Variants in EEF2K observed in about 807,000 individuals in gnomAD.
EEF2K encodes alternative protein EEF2K.
A neutral mutation model predicts 93.8 loss-of-function variants in EEF2K; 70 were observed. The observed-to-expected ratio is 0.75, with a 90% CI of 0.62 to 0.91. The LOEUF is 0.91. Among genes scored for constraint, EEF2K ranks in the 40% least tolerant of loss-of-function variants. EEF2K has a pLI of 0.00. For synonymous variants in EEF2K, 376 were observed against 380.8 expected, an observed-to-expected ratio of 0.99 and a Z score of 0.15; for missense variants, 935 against 972.9, an observed-to-expected ratio of 0.96 and a Z score of 0.52.
intron 16 of EEF2K, among the ~76,000 whole-genome samples, chr16:22,275,300 TTTCTC>T (rs2047623555): frequency 6.6e-6 from 1 of 151,608 alleles, no homozygotes; most frequent in African/African-American, 2.4e-5. Context: ...TTGGTATACT[TTTCTC>T]TTTATTTTTT....
At chr16:22,255,312 C>G (rs895231299) in intron 6 of EEF2K, among the ~76,000 whole-genome samples, 1 of 152,172 alleles carries the variant, frequency 6.6e-6, no homozygotes, top group African/African-American at 2.4e-5. Flanking sequence ...GGAGGTCTTG[C>G]ATTGGTGGGT....
At chr16:22,218,058 T>G (rs1207872286) in intron 1 of EEF2K, among the ~76,000 whole-genome samples, 2 of 152,190 alleles carry the variant, frequency 1.3e-5, no homozygotes, top group African/African-American at 4.8e-5. Flanking sequence ...TTCCAGTCAC[T>G]CAAGCAAAAA....
chr16:22,250,625 C>G (rs764648045), intron 4 of EEF2K, 29 bp from the exon 5 acceptor site: 6 of 1,614,010 alleles, frequency 3.7e-6, no homozygotes. Flanking sequence ...GGCATGGGGA[C>G]TGATAACACT....
At chr16:22,232,227 T>C (rs1413117476) in intron 2 of EEF2K, among the ~76,000 whole-genome samples, 2 of 151,994 alleles carry the variant, frequency 1.3e-5, no homozygotes, top group African/African-American at 2.4e-5. Flanking sequence ...AGCTTTAATT[T>C]TTATTTTTTT....
chr16:22,282,868 CAT>C (rs2047709452), intron 17 of EEF2K, among the ~76,000 whole-genome samples: 1 of 152,184 alleles, frequency 6.6e-6, no homozygotes, highest in African/African-American at 2.4e-5. Flanking sequence ...AAGAGTTCAA[CAT>C]ATGAATTTGT....
intron 16 of EEF2K, among the ~76,000 whole-genome samples, chr16:22,274,920 C>T (rs543973341): frequency 6.6e-6 from 1 of 152,290 alleles, no homozygotes; most frequent in South Asian, 2.1e-4. Context: ...GGTATTTTGG[C>T]TCTATTTTTT....
chr16:22,214,064 G>T lies in EEF2K; in HGVS notation c.-77+7385G>T, dbSNP rs1198374437. ...TTATAATGAAATTTGCTTGTGGAGG[G>T]TTTGTAGGGAGCGAAGTGATTTAGG... is the stretch of plus-strand genomic sequence containing the variant. On this transcript the variant is annotated intron_variant, in intron 1 of 17. Transcript: ENST00000263026. 3.9e-5 allele frequency among the ~76,000 whole-genome samples: 6 copies of T among 152,232 alleles called. No individual in the cohort carries two copies. In the East Asian group the frequency reaches 1.2e-3, roughly 29 times the overall value.
intron 13 of EEF2K, among the ~76,000 whole-genome samples, chr16:22,265,790 T>A (rs1387770474): frequency 6.6e-6 from 1 of 152,200 alleles, no homozygotes; most frequent in Non-Finnish European, 1.5e-5. Flanking sequence ...AATGATGTGT[T>A]TTTTAAACCC....
chr16:22,273,329 A>G (rs576116549), intron 15 of EEF2K, among the ~76,000 whole-genome samples: 2 of 152,216 alleles, frequency 1.3e-5, no homozygotes, highest in Non-Finnish European at 2.9e-5. Context: ...ATAGCCATAG[A>G]AACAGGCAGT....
intron 4 of EEF2K, among the ~76,000 whole-genome samples, chr16:22,249,590 A>G (rs984829174): frequency 2.0e-5 from 3 of 151,828 alleles, no homozygotes; most frequent in African/African-American, 7.3e-5. Flanking sequence ...TTTGCTTCAT[A>G]TAAGTGGGGG....
At chr16:22,253,963 G>A (rs1433231935) in intron 6 of EEF2K, among the ~76,000 whole-genome samples, 5 of 152,088 alleles carry the variant, frequency 3.3e-5, no homozygotes, top group Admixed American at 6.6e-5. Flanking sequence ...GCTGGGCATG[G>A]TGGTGCACGC....
At position 22,251,330 on chromosome 16, in the gene EEF2K, GC is replaced by G. The variant is rs2047349999; in HGVS notation, c.618+12del. 6.2e-7 allele frequency: 1 copy of G among 1,613,358 alleles called. No individual in the cohort carries two copies. The highest frequency in any genetic ancestry group is 1.3e-5 in the African/African-American group (1 of 74,908). On this transcript the variant is annotated intron_variant, in intron 6 of 17. Coordinates refer to ENST00000263026, the MANE Select transcript of EEF2K (RefSeq NM_013302.5). The stretch of plus-strand genomic sequence containing the variant: ...CACAAGCCCCCCAAGCAGGTGCGTG[GC>G]CCCACTACCTGCCCCCTTTCCATGC...
chr16:22,262,034 C>T (rs1040074549), intron 11 of EEF2K, among the ~76,000 whole-genome samples: 3 of 150,332 alleles, frequency 2.0e-5, no homozygotes, highest in Non-Finnish European at 3.0e-5. Context: ...CACACACACA[C>T]ACAGAAAAGA....
intron 2 of EEF2K, among the ~76,000 whole-genome samples, chr16:22,238,550 T>G (rs2047190837): frequency 1.3e-5 from 2 of 150,502 alleles, no homozygotes; most frequent in Non-Finnish European, 3.0e-5. Context: ...GGAGGCTGAG[T>G]TGAGAAGATT....
chr16:22,282,280 G>C (rs1453786758), intron 17 of EEF2K, among the ~76,000 whole-genome samples: 2 of 152,152 alleles, frequency 1.3e-5, no homozygotes, highest in Non-Finnish European at 2.9e-5. Flanking sequence ...TTGGTTTCTG[G>C]CTTGTAGAAA....
chr16:22,251,127 G>T lies in EEF2K; in HGVS notation c.447-24G>T, dbSNP rs1202288606. ...GGTGAACCCCAGAGTACCCAGGTAG[G>T]CCCCCTGTTGCCTCTTCCCACAGGA... On this transcript the variant is annotated intron_variant, in intron 5 of 17. Coordinates refer to ENST00000263026, the MANE Select transcript of EEF2K (RefSeq NM_013302.5). The T allele has an allele frequency of 3.7e-6, 6 of 1,604,706 alleles. No homozygotes were observed. In the Admixed American group the frequency reaches 6.7e-5, roughly 18 times the overall value.
At chr16:22,228,698 C>T (rs552668169) in intron 2 of EEF2K, among the ~76,000 whole-genome samples, 53 of 152,290 alleles carry the variant, frequency 3.5e-4, no homozygotes, top group Non-Finnish European at 7.2e-4. Flanking sequence ...TTATTTAACA[C>T]GTGACAATTC....
Position 22,285,566 on chromosome 16 carries a change from C to G in EEF2K, c.*1570C>G, listed in dbSNP as rs1263441486. 6.6e-6 allele frequency: 1 copy of G among 152,234 alleles called. No individual in the cohort carries two copies. Among genetic ancestry groups the G allele is most frequent in the Non-Finnish European group, 1.5e-5 (1 of 68,032 alleles). 9.4% of individuals were successfully genotyped at this position (152,234 alleles called of 1,614,324 possible). ...GTGCGGTGGCTCCCGCCTGTAATCT[C>G]AGCACTTTGAGGAGGGCCAAGGTGG... On this transcript the variant is annotated 3_prime_UTR_variant, in exon 18 of 18. Transcript: ENST00000263026.
At chr16:22,248,727 G>T in intron 3 of EEF2K, 28 bp from the exon 4 acceptor site, 1 of 1,613,184 alleles carries the variant, frequency 6.2e-7, no homozygotes, top group Non-Finnish European at 8.5e-7. Flanking sequence ...GATGGACGCT[G>T]TGCCCCATGG....
Sources: gnomAD v4.1 joint callset for allele counts (sites outside exome capture counted in the v4.1 genomes callset) on GRCh38, gnomAD v4.1.1 for gene constraint, MANE v1.5 for transcripts, NCBI Gene and HGNC (gene_info 2026-07-23, HGNC 2026-07-21) for gene names.